Variants in CER1 observed in about 807,000 individuals in gnomAD.
CER1 encodes cerberus.
Under a neutral mutation model 11.8 loss-of-function variants are expected in CER1, and 10 were observed. The ratio of observed to expected loss-of-function variants is 0.85; its 90% CI spans 0.52 to 1.44. CER1 has a LOEUF of 1.44. Among genes scored for constraint, CER1 ranks in the 40% most tolerant of loss-of-function variants. CER1 has a pLI of 0.00. For synonymous variants in CER1, 141 were observed against 122.3 expected, an observed-to-expected ratio of 1.15 and a Z score of -1.01; for missense variants, 431 against 327.0, an observed-to-expected ratio of 1.32 and a Z score of -2.45.
At position 14,722,691 on chromosome 9, in the gene CER1, T is replaced by G. The variant is rs767092803; in HGVS notation, c.-19A>C. ...GATGCATGCTGTCAGGGGCCCAAGC[T>G]TCTTTTGTAAATGATGAGGCCCAAA... On this transcript the variant is annotated 5_prime_UTR_variant, in exon 1 of 2. Coordinates refer to ENST00000380911, the MANE Select transcript of CER1 (RefSeq NM_005454.3). 4 of 1,576,536 alleles carry G rather than the reference T, an allele frequency of 2.5e-6. No homozygotes were observed. The highest frequency in any genetic ancestry group is 3.4e-6 in the Non-Finnish European group (4 of 1,171,702).
At chr9:14,720,705 T>C (rs1346497082) in intron 1 of CER1, among the ~76,000 whole-genome samples, 1 of 152,224 alleles carries the variant, frequency 6.6e-6, no homozygotes, top group Non-Finnish European at 1.5e-5. Flanking sequence ...AAAATTCTAA[T>C]GGTAATTATC....
chr9:14,720,458 G>A (rs1587562440), intron 1 of CER1, 72 bp from the exon 2 acceptor site: 2 of 1,404,964 alleles, frequency 1.4e-6, no homozygotes, highest in East Asian at 4.7e-5. Flanking sequence ...AGAAGCTATG[G>A]ACTGTAAATC....
intron 1 of CER1, among the ~76,000 whole-genome samples, chr9:14,720,737 CT>C: frequency 6.6e-6 from 1 of 152,272 alleles, no homozygotes; most frequent in East Asian, 1.9e-4. Context: ...ATGTGCCTTA[CT>C]TTTTTATTCC....
At chr9:14,722,108 T>A in intron 1 of CER1, 58 bp downstream of exon 1, 1 of 1,552,482 alleles carries the variant, frequency 6.4e-7, no homozygotes, top group Non-Finnish European at 8.7e-7. Flanking sequence ...TCTCCATCCA[T>A]CCCAGCTGTC....
chr9:14,721,152 G>A (rs1840007711), intron 1 of CER1, among the ~76,000 whole-genome samples: 1 of 152,256 alleles, frequency 6.6e-6, no homozygotes, highest in African/African-American at 2.4e-5. Flanking sequence ...ACATATCCTT[G>A]CCTTTTCAGG....
At chr9:14,717,742 C>T (rs1418088007), downstream of CER1, among the ~76,000 whole-genome samples, 1 of 152,110 alleles carries the variant, frequency 6.6e-6, no homozygotes, top group African/African-American at 2.4e-5. Context: ...AGCCTATAGG[C>T]AAGAGACCTG....
chr9:14,720,234 T>C lies in CER1; in HGVS notation c.660A>G (p.Pro220=), dbSNP rs1370245175. 1.1e-5 allele frequency: 18 copies of C among 1,613,970 alleles called. No individual in the cohort carries two copies. Among genetic ancestry groups the C allele is most frequent in the Non-Finnish European group, 1.4e-5 (17 of 1,180,024 alleles). The part of the protein sequence containing the change: ...LPAKFTTMHL[P]LNCTELSSVI... ...CGGAGGAAAGTTCAGTGCAGTTCAG[T>C]GGCAAGTGCATCGTGGTGAACTTGG... Residue 220 remains proline (P), a synonymous_variant, in exon 2 of 2, where the codon CCA becomes CCG. Coordinates refer to ENST00000380911, the MANE Select transcript of CER1 (RefSeq NM_005454.3).
chr9:14,718,321 A>C (rs10122817), downstream of CER1, among the ~76,000 whole-genome samples: 20,897 of 152,210 alleles, frequency 0.14, 1,864 homozygotes, highest in African/African-American at 0.25. Flanking sequence ...GGCGATTGCA[A>C]TCATGACAGC....
In CER1 at chr9:14,722,426, A is replaced by G; in HGVS notation, c.247T>C (p.Phe83Leu). 1 of 1,614,112 alleles carries G rather than the reference A, an allele frequency of 6.2e-7. No individual in the cohort carries two copies. Among genetic ancestry groups the G allele is most frequent in the Non-Finnish European group, 8.5e-7 (1 of 1,180,024 alleles). Residue 83 changes from phenylalanine to leucine, a missense_variant, in exon 1 of 2, where the codon TTT becomes CTT. Transcript: ENST00000380911. ...QRQREKMLSR[F>L]GRFWKKPERE... ...TCAGGCTTCTTCCAGAACCTGCCAA[A>G]TCTGGACAGCATCTTCTCTCTCTGC... is the stretch of plus-strand genomic sequence containing the variant.
At chr9:14,718,636 G>A (rs1300847872), downstream of CER1, among the ~76,000 whole-genome samples, 1 of 152,092 alleles carries the variant, frequency 6.6e-6, no homozygotes, top group African/African-American at 2.4e-5. Flanking sequence ...CAGTTATTCT[G>A]GGAAATGTGT....
At chr9:14,720,470 G>T in intron 1 of CER1, 84 bp from the exon 2 acceptor site, 1 of 1,329,188 alleles carries the variant, frequency 7.5e-7, no homozygotes, top group Non-Finnish European at 1.0e-6. Context: ...CTGTAAATCT[G>T]AGGATAATTT....
downstream of CER1, among the ~76,000 whole-genome samples, chr9:14,717,948 C>T (rs912573519): frequency 3.3e-5 from 5 of 152,168 alleles, no homozygotes; most frequent in African/African-American, 1.2e-4. Context: ...AAAGACAGCA[C>T]AGTATCTGGC....
downstream of CER1, among the ~76,000 whole-genome samples, chr9:14,717,423 A>T (rs145778306): frequency 4.1e-4 from 63 of 152,270 alleles, 1 homozygote; most frequent in East Asian, 0.012. Context: ...AAACAAATTT[A>T]AAAAATAGAA....
chr9:14,720,123 G>A lies in CER1; in HGVS notation c.771C>T (p.Ser257=). ...HEDGHILHAG[S]QDSFIPGVSA is the part of the protein sequence containing the mutation. ...AAACTCCTGGGATAAAGGAATCCTG[G>A]GAGCCAGCATGTAGGATGTGTCCAT... Residue 257 remains serine, a synonymous_variant, in exon 2 of 2, where the codon TCC becomes TCT. Coordinates refer to ENST00000380911, the MANE Select transcript of CER1 (RefSeq NM_005454.3). The A allele has an allele frequency of 1.2e-6, 2 of 1,613,900 alleles. No homozygotes were observed. Among genetic ancestry groups the A allele is most frequent in the Non-Finnish European group, 1.7e-6 (2 of 1,179,840 alleles).
chr9:14,720,200 C>T lies in CER1; in HGVS notation c.694G>A (p.Val232Met). 6.2e-7 allele frequency: 1 copy of T among 1,614,186 alleles called. No individual in the cohort carries two copies. The highest frequency in any genetic ancestry group is 8.5e-7 in the Non-Finnish European group (1 of 1,180,048). The change falls in exon 2 of 2, where the codon GTG (valine) becomes ATG (methionine). Residue 232 changes from valine to methionine, a missense_variant. By Grantham distance (21) the Val-to-Met change is conservative. Coordinates refer to ENST00000380911, the MANE Select transcript of CER1 (RefSeq NM_005454.3). ...TGGCACTCCTCCACCAGCATCACCACCTTGATCACGGAGGAAAGTTCAGTG... is the reference window on the plus strand; with the variant it reads ...TGGCACTCCTCCACCAGCATCACCATCTTGATCACGGAGGAAAGTTCAGTG... ...NCTELSSVIK[V>M]VMLVEECQCK...
At chr9:14,718,791 G>A (rs1839967438), downstream of CER1, among the ~76,000 whole-genome samples, 1 of 152,158 alleles carries the variant, frequency 6.6e-6, no homozygotes. Context: ...ACACAGACAG[G>A]AGAGAGGTGA....
rs1268598718 is a variant in CER1 at position 14,722,554 on chromosome 9, C to T, written c.119G>A (p.Arg40Lys). The T allele has an allele frequency of 6.2e-7, 1 of 1,614,160 alleles. No individual in the cohort carries two copies. Among genetic ancestry groups the T allele is most frequent in the Admixed American group, 1.7e-5 (1 of 60,028 alleles). The stretch of plus-strand genomic sequence containing the variant: ...CTCATGGTTGCCTGTGGGAAGCTCT[C>T]TTTGATTCCTTGGCAGGAGTACGGG... Reference protein sequence around the residue: ...LSPVLLPRNQRELPTGNHEEA... With the variant: ...LSPVLLPRNQKELPTGNHEEA... Residue 40 changes from arginine (R) to lysine (K), a missense_variant, in exon 1 of 2, where the codon AGA (arginine) becomes AAA (lysine). Arg to Lys is a conservative substitution (Grantham distance 26). Transcript: ENST00000380911.
In CER1 at chr9:14,722,066, A is replaced by G. The variant is rs1018862293; in HGVS notation, c.507+100T>C. ...CAAGGACCAAATCTGTAGTTAAGCT[A>G]GAGTCAGGCTCCTGACAGCCTTTTC... is the stretch of plus-strand genomic sequence containing the variant. On this transcript the variant is annotated intron_variant, in intron 1 of 1. Transcript: ENST00000380911. 2.2e-6 allele frequency: 3 copies of G among 1,335,836 alleles called. No individual in the cohort carries two copies. In the African/African-American group the frequency reaches 4.4e-5, roughly 20 times the overall value. 82.7% of individuals were successfully genotyped at this position (1,335,836 alleles called of 1,614,324 possible).
In CER1 at chr9:14,719,900, C is replaced by T. The variant is rs950386654; in HGVS notation, c.*190G>A. The T allele has an allele frequency of 1.2e-5, 7 of 579,358 alleles. No homozygotes were observed. The highest frequency in any genetic ancestry group is 5.6e-5 in the African/African-American group (3 of 53,656). 35.9% of individuals were successfully genotyped at this position (579,358 alleles called of 1,614,324 possible). A position where few individuals can be genotyped will look rare whatever the true frequency, so the allele number is the denominator to read the frequency against. The stretch of plus-strand genomic sequence containing the variant: ...ATTCTACGGCTAGTTAGTGGCAGAG[C>T]TGAGACAAGGTCTCAAACGTGTACC... On this transcript the variant is annotated 3_prime_UTR_variant, in exon 2 of 2. Coordinates refer to ENST00000380911, the MANE Select transcript of CER1 (RefSeq NM_005454.3).
Sources: gnomAD v4.1 joint callset for allele counts (sites outside exome capture counted in the v4.1 genomes callset) on GRCh38, gnomAD v4.1.1 for gene constraint, MANE v1.5 for transcripts, NCBI Gene and HGNC (gene_info 2026-07-23, HGNC 2026-07-21) for gene names.